The following NFASC variants were observed in gnomAD, a reference collection of about 807,000 sequenced individuals.
The protein encoded by NFASC is neurofascin.
A neutral mutation model predicts 147.5 loss-of-function variants in NFASC; 43 were observed. The ratio of observed to expected loss-of-function variants is 0.29; its 90% CI spans 0.23 to 0.38. The LOEUF is 0.38. NFASC is among the 10% of genes least tolerant of loss of function. NFASC has a pLI of 1.00. For missense variants in NFASC, 1,320 were observed against 1,689.0 expected, an observed-to-expected ratio of 0.78 and a Z score of 3.83; for synonymous variants, 622 against 665.5, an observed-to-expected ratio of 0.93 and a Z score of 1.01.
At chr1:204,984,374 TATATACGC>T (rs1468520771) in intron 21 of NFASC, 6 of 125,630 alleles carry the variant, frequency 4.8e-5, no homozygotes, top group Admixed American at 2.9e-4. Context: ...TGTGTGTATA[TATATACGC>T]ATATATATAT....
At chr1:204,924,810 C>T (rs768364070) in intron 2 of NFASC, among the ~76,000 whole-genome samples, 6 of 152,190 alleles carry the variant, frequency 3.9e-5, no homozygotes, top group Admixed American at 6.5e-5. Flanking sequence ...AAAGCCTTAT[C>T]GCAAATCAGT....
intron 21 of NFASC, among the ~76,000 whole-genome samples, chr1:204,984,808 A>T (rs1051743127): frequency 1.3e-5 from 2 of 152,128 alleles, no homozygotes; most frequent in Non-Finnish European, 2.9e-5. Flanking sequence ...TGGGAAGAAG[A>T]GAGAGAGCAC....
At chr1:204,866,855 G>A (rs2077149281) in intron 1 of NFASC, among the ~76,000 whole-genome samples, 1 of 152,214 alleles carries the variant, frequency 6.6e-6, no homozygotes, top group South Asian at 2.1e-4. Flanking sequence ...CAGGGCAGGA[G>A]AGTTCATGTC....
At chr1:204,900,848 T>C (rs1351963950) in intron 1 of NFASC, among the ~76,000 whole-genome samples, 1 of 152,106 alleles carries the variant, frequency 6.6e-6, no homozygotes. Context: ...GATTAGTTTT[T>C]TTTTTCAAAG....
chr1:204,919,717 C>T (rs908194717), intron 1 of NFASC, among the ~76,000 whole-genome samples: 1 of 152,110 alleles, frequency 6.6e-6, no homozygotes, highest in African/African-American at 2.4e-5. Context: ...TAACCTCTGC[C>T]TCCCGGGTTC....
At position 204,980,403 on chromosome 1, in the gene NFASC, A is replaced by G; in HGVS notation, c.2210A>G (p.Glu737Gly). The change falls in exon 20 of 30, where the codon GAG becomes GGG. Residue 737 changes from glutamate to glycine, a missense_variant. This residue lies in a region of NFASC where 981 missense variants were observed against 1,289.5 expected (regional missense o/e 0.76). Transcript: ENST00000339876. ...TCCAATCCTGGTGACGTGAAGGGAG[A>G]GGGGACCAGAAAGAACAACATGGAG... ...PESNPGDVKG[E>G]GTRKNNMEIT... 2 of 1,613,616 alleles carry G rather than the reference A, an allele frequency of 1.2e-6. No homozygotes were observed. Among genetic ancestry groups the G allele is most frequent in the Non-Finnish European group, 1.7e-6 (2 of 1,179,778 alleles).
At chr1:205,003,579 GCCCT>G (rs1425047206) in intron 27 of NFASC, among the ~76,000 whole-genome samples, 98 of 152,324 alleles carry the variant, frequency 6.4e-4, no homozygotes, top group African/African-American at 2.2e-3. Context: ...GGTATGCTAA[GCCCT>G]GGGGCTAAGG....
intron 1 of NFASC, among the ~76,000 whole-genome samples, chr1:204,914,201 A>G (rs2088551045): frequency 6.6e-6 from 1 of 152,246 alleles, no homozygotes; most frequent in African/African-American, 2.4e-5. Flanking sequence ...GGCAAATAAT[A>G]GGAATATTGA....
At chr1:204,869,940 T>C (rs2077450324) in intron 1 of NFASC, among the ~76,000 whole-genome samples, 1 of 152,260 alleles carries the variant, frequency 6.6e-6, no homozygotes, top group South Asian at 2.1e-4. Flanking sequence ...TTATTTAAGA[T>C]CCATTCCCAG....
chr1:204,936,079 G>C (rs2092795578), intron 2 of NFASC, among the ~76,000 whole-genome samples: 1 of 151,872 alleles, frequency 6.6e-6, no homozygotes, highest in African/African-American at 2.4e-5. Context: ...AGTCCCACCT[G>C]TTCTCCTCCT....
intron 1 of NFASC, among the ~76,000 whole-genome samples, chr1:204,866,038 A>T (rs913019735): frequency 7.2e-5 from 11 of 152,298 alleles, no homozygotes; most frequent in Admixed American, 3.3e-4. Flanking sequence ...TTATGAGTCA[A>T]ACATTGCTAT....
rs74138676 is a variant in NFASC at position 204,955,105 on chromosome 1, G to A, written c.535+154G>A. Among the ~76,000 whole-genome samples, 1,391 of 152,332 alleles carry A rather than the reference G, an allele frequency of 9.1e-3. 10 individuals carry two copies. The highest frequency in any genetic ancestry group is 0.061 in the Middle Eastern group (18 of 294). On this transcript the variant is annotated intron_variant, in intron 7 of 29. Transcript: ENST00000339876. Reference sequence around the variant, plus strand: ...CCAGGCTGAGAACACAGGCTCTGCAGAGAGAGGCTGCTTGGGCTTATTTTC... The same window carrying A: ...CCAGGCTGAGAACACAGGCTCTGCAAAGAGAGGCTGCTTGGGCTTATTTTC...
intron 3 of NFASC, chr1:204,944,720 T>G (rs2093597582): frequency 2.9e-6 from 1 of 341,454 alleles, no homozygotes; most frequent in African/African-American, 2.1e-5. Context: ...GGTTTTTCCC[T>G]CTGCTCACCT....
Position 204,968,395 on chromosome 1 carries a change from C to A in NFASC, c.818+35C>A, listed in dbSNP as rs1558291726. 1.3e-6 allele frequency: 2 copies of A among 1,506,132 alleles called. No homozygotes were observed. Among genetic ancestry groups the A allele is most frequent in the Non-Finnish European group, 1.8e-6 (2 of 1,081,842 alleles). The allele number at this position is 1,506,132 out of a possible 1,614,324, so 93.3% of individuals were successfully genotyped here. On this transcript the variant is annotated intron_variant, in intron 9 of 29. Coordinates refer to ENST00000339876, the MANE Select transcript of NFASC (RefSeq NM_001005388.3). This position sits in a 1 kb window ranked among gnomAD's most constrained non-coding sequence, Gnocchi z 5.4. The stretch of plus-strand genomic sequence containing the variant: ...GTTTGCAGCCCCTCTTCTAGCCACC[C>A]TCCAGGAGGATGGGGATGGGAGCTT...
intron 2 of NFASC, among the ~76,000 whole-genome samples, chr1:204,931,479 A>G (rs555065191): frequency 2.0e-5 from 3 of 152,136 alleles, no homozygotes; most frequent in Non-Finnish European, 4.4e-5. Flanking sequence ...TTGTTCCCCA[A>G]CAATTTCCTG....
intron 1 of NFASC, among the ~76,000 whole-genome samples, chr1:204,864,355 T>C (rs1380635728): frequency 2.0e-5 from 3 of 152,238 alleles, no homozygotes; most frequent in East Asian, 1.9e-4. Flanking sequence ...GAATTCCTGT[T>C]TTCAGTTCTT....
At chr1:204,984,060 G>T in intron 21 of NFASC, 1 of 1,614,106 alleles carries the variant, frequency 6.2e-7, no homozygotes, top group South Asian at 1.1e-5. Flanking sequence ...GTTAAAGTCC[G>T]AGTCATGAAC....
At chr1:204,870,452 G>A (rs1230484106) in intron 1 of NFASC, among the ~76,000 whole-genome samples, 1 of 152,056 alleles carries the variant, frequency 6.6e-6, no homozygotes, top group Non-Finnish European at 1.5e-5. Flanking sequence ...GAGGACGTGT[G>A]CATGGGGGAG....
At chr1:204,833,671 G>T (rs1672887139) in intron 1 of NFASC, among the ~76,000 whole-genome samples, 1 of 152,166 alleles carries the variant, frequency 6.6e-6, no homozygotes, top group African/African-American at 2.4e-5. Context: ...AGACAATACA[G>T]GGTCTAATTA....
Sources: gnomAD v4.1 joint callset for allele counts (sites outside exome capture counted in the v4.1 genomes callset) on GRCh38, gnomAD v4.1.1 for gene constraint, gnomAD v4.1.1 regional missense constraint, Gnocchi (gnomAD v3.1) non-coding constraint, MANE v1.5 for transcripts, NCBI Gene and HGNC (gene_info 2026-07-23, HGNC 2026-07-21) for gene names.